The following DAB1 variants were observed in gnomAD, a reference collection of about 807,000 sequenced individuals.
The protein encoded by DAB1 is DAB adaptor protein 1.
Under a neutral mutation model 64.6 loss-of-function variants are expected in DAB1, and 15 were observed. The ratio of observed to expected loss-of-function variants is 0.23; its 90% CI spans 0.16 to 0.36. The LOEUF is 0.36. Ranked by LOEUF, DAB1 falls within the 10% of genes least tolerant of loss-of-function variation. The pLI is 1.00. For synonymous variants in DAB1, 235 were observed against 251.9 expected (o/e 0.93, Z 0.64); for missense variants, 596 against 706.7 (o/e 0.84, Z 1.78).
At chr1:57,988,941 C>T (rs1448033920) in intron 5 of DAB1, among the ~76,000 whole-genome samples, 1 of 152,144 alleles carries the variant, frequency 6.6e-6, no homozygotes, top group Non-Finnish European at 1.5e-5. Context: ...CTGGCTCCTT[C>T]TGTTTCCATA....
At chr1:58,521,719 G>T (rs948383624) in intron 2 of DAB1, among the ~76,000 whole-genome samples, 1 of 151,932 alleles carries the variant, frequency 6.6e-6, no homozygotes, top group African/African-American at 2.4e-5. Flanking sequence ...ACAAGAAATA[G>T]AAAAATCTGA....
At chr1:57,001,305 T>C (rs1381941604) in intron 14 of DAB1, among the ~76,000 whole-genome samples, 1 of 152,152 alleles carries the variant, frequency 6.6e-6, no homozygotes, top group Non-Finnish European at 1.5e-5. Context: ...TTTGTTTGTT[T>C]GTTTTCTTTT....
intron 10 of DAB1, among the ~76,000 whole-genome samples, chr1:57,024,577 AAT>A (rs1164934280): frequency 6.6e-6 from 1 of 152,206 alleles, no homozygotes; most frequent in Non-Finnish European, 1.5e-5. Flanking sequence ...AGGATTATTA[AAT>A]ACCCATTTGG....
intron 2 of DAB1, among the ~76,000 whole-genome samples, chr1:57,181,123 T>C (rs1013058644): frequency 6.6e-6 from 1 of 152,150 alleles, no homozygotes; most frequent in Non-Finnish European, 1.5e-5. Flanking sequence ...TGTAACCCGG[T>C]GCTATGCATG....
At chr1:57,085,940 G>A (rs565179764) in intron 4 of DAB1, among the ~76,000 whole-genome samples, 5 of 152,220 alleles carry the variant, frequency 3.3e-5, no homozygotes, top group South Asian at 4.2e-4. Flanking sequence ...GTGTGGGAGC[G>A]GTGGGGATCA....
intron 3 of DAB1, among the ~76,000 whole-genome samples, chr1:58,407,761 C>T (rs1299188291): frequency 6.6e-6 from 1 of 152,202 alleles, no homozygotes; most frequent in Non-Finnish European, 1.5e-5. Context: ...GACCTCCCTG[C>T]TCCCCATCTT....
intron 4 of DAB1, among the ~76,000 whole-genome samples, chr1:58,164,634 C>T (rs1655726564): frequency 6.6e-6 from 1 of 152,172 alleles, no homozygotes; most frequent in Admixed American, 6.5e-5. Flanking sequence ...TTCTCATGCA[C>T]ACATGATAAC....
chr1:57,639,660 A>C (rs60132969), intron 7 of DAB1, among the ~76,000 whole-genome samples: 3,257 of 152,244 alleles, frequency 0.021, 119 homozygotes, highest in African/African-American at 0.075. Flanking sequence ...CATTCAACAA[A>C]TACTGAGCAT....
chr1:57,524,040 G>A (rs1266970050), intron 7 of DAB1, among the ~76,000 whole-genome samples: 1 of 152,126 alleles, frequency 6.6e-6, no homozygotes, highest in Non-Finnish European at 1.5e-5. Context: ...TGAAGATAAA[G>A]TTTAGAAATC....
intron 2 of DAB1, among the ~76,000 whole-genome samples, chr1:57,164,835 T>C (rs1185848712): frequency 6.6e-6 from 1 of 152,144 alleles, no homozygotes; most frequent in Non-Finnish European, 1.5e-5. Context: ...CTCTGGTTCC[T>C]TATAATATGC....
intron 2 of DAB1, among the ~76,000 whole-genome samples, chr1:57,204,951 G>A (rs993524926): frequency 6.6e-6 from 1 of 152,082 alleles, no homozygotes; most frequent in African/African-American, 2.4e-5. Context: ...TTCAACACAG[G>A]GCTAAAAGAT....
At chr1:58,395,922 T>C (rs140322428) in intron 3 of DAB1, among the ~76,000 whole-genome samples, 1 of 152,286 alleles carries the variant, frequency 6.6e-6, no homozygotes, top group African/African-American at 2.4e-5. Flanking sequence ...TTGCCTAGAA[T>C]TGATTACGGT....
In DAB1 at chr1:57,233,255, C is replaced by CTTTTTTTTTTTTTTT. The variant is rs1186221366; in HGVS notation, c.67+57694_67+57708dup. ...TGCAGCTTCAAGCTTTGCTCCGATT[C>CTTTTTTTTTTTTTTT]TTTTTTTTTTTTTTTTTTTTTTTTT... is the stretch of plus-strand genomic sequence containing the variant. On this transcript the variant is annotated intron_variant, in intron 2 of 14. Transcript: ENST00000371236. 2.1e-4 allele frequency among the ~76,000 whole-genome samples: 13 copies of CTTTTTTTTTTTTTTT among 60,808 alleles called. 5 individuals are homozygous for CTTTTTTTTTTTTTTT. Among genetic ancestry groups the CTTTTTTTTTTTTTTT allele is most frequent in the East Asian group, 1.4e-3 (2 of 1,438 alleles). 39.9% of individuals were successfully genotyped at this position (60,808 alleles called of 152,430 possible). A position where few individuals can be genotyped will look rare whatever the true frequency, so the allele number is the denominator to read the frequency against.
chr1:57,467,452 C>T (rs1173107861), intron 7 of DAB1, among the ~76,000 whole-genome samples: 1 of 152,120 alleles, frequency 6.6e-6, no homozygotes, highest in Non-Finnish European at 1.5e-5. Context: ...AACTACTATC[C>T]CCTAAAGTCA....
chr1:57,095,030 T>C (rs1360045752), intron 4 of DAB1, among the ~76,000 whole-genome samples: 1 of 152,188 alleles, frequency 6.6e-6, no homozygotes, highest in East Asian at 1.9e-4. Flanking sequence ...AAGCCCTTTT[T>C]TGGCTACTGC....
rs946583048 is a variant in DAB1, at chr1:57,058,560, G to A, written c.723+4324C>T. The stretch of plus-strand genomic sequence containing the variant: ...CGGACTTACAAAGCAAGGAGGTATG[G>A]AGTAAAAGTGACAACTCCTGGTGAG... On this transcript the variant is annotated intron_variant, in intron 9 of 14. Coordinates refer to ENST00000371236, the MANE Select transcript of DAB1 (RefSeq NM_001365792.1). Among the ~76,000 whole-genome samples, 3 of 152,218 alleles carry A rather than the reference G, an allele frequency of 2.0e-5. No individual in the cohort carries two copies. The South Asian group carries it at 6.2e-4, about 32-fold the overall frequency.
chr1:57,169,043 G>T (rs1318610505), intron 2 of DAB1, among the ~76,000 whole-genome samples: 1 of 151,932 alleles, frequency 6.6e-6, no homozygotes, highest in East Asian at 1.9e-4. Context: ...GCAACAGAGT[G>T]GGACCCTGCC....
chr1:57,075,106 A>G (rs1049744599), intron 4 of DAB1, among the ~76,000 whole-genome samples: 1 of 152,198 alleles, frequency 6.6e-6, no homozygotes, highest in Non-Finnish European at 1.5e-5. Flanking sequence ...CACGTTTCCT[A>G]TTAAATCAAA....
chr1:57,204,211 A>T (rs1181977272), intron 2 of DAB1, among the ~76,000 whole-genome samples: 2 of 152,284 alleles, frequency 1.3e-5, no homozygotes, highest in East Asian at 3.9e-4. Context: ...TCTTTAAAAA[A>T]TGCCAGCAGA....
Sources: allele counts gnomAD v4.1 joint callset (sites outside exome capture counted in the v4.1 genomes callset), GRCh38; gene constraint gnomAD v4.1.1; transcripts MANE v1.5; gene names NCBI Gene and HGNC (gene_info 2026-07-23, HGNC 2026-07-21).